SLC14A2: variants seen among roughly 807,000 people sequenced by gnomAD.
SLC14A2 encodes urea transporter 2.
SLC14A2 carries 91 observed loss-of-function variants against 104.6 expected under a neutral mutation model. The observed-to-expected ratio is 0.87, with a 90% confidence interval of 0.73 to 1.04. The LOEUF (loss-of-function observed/expected upper bound fraction) is 1.04. Among genes scored for constraint, SLC14A2 ranks in the 50% least tolerant of loss-of-function variants. SLC14A2 has a pLI of 0.00. For synonymous variants in SLC14A2, 476 were observed against 466.4 expected, an observed-to-expected ratio of 1.02 and a Z score of -0.27; for missense variants, 1,189 against 1,156.0, an observed-to-expected ratio of 1.03 and a Z score of -0.41.
rs78656450 is a variant in SLC14A2 at position 45,651,620 on chromosome 18, C to T, written c.1351+7460C>T. On this transcript the variant is annotated intron_variant, in intron 10 of 19. Transcript: ENST00000255226. ...TAGTGCAGGAGCAGGGTGTGGAGGC[C>T]GGTTGGAGATGCTTGTTTGGGGTGG... is the stretch of plus-strand genomic sequence containing the variant. Among the ~76,000 whole-genome samples the T allele has an allele frequency of 5.9e-3, 892 of 152,256 alleles. 8 individuals are homozygous for T. The highest frequency in any genetic ancestry group is 0.019 in the African/African-American group (808 of 41,550).
At chr18:45,540,041 C>T (rs1426597850) in intron 2 of SLC14A2, among the ~76,000 whole-genome samples, 1 of 152,102 alleles carries the variant, frequency 6.6e-6, no homozygotes, top group Admixed American at 6.5e-5. Context: ...GATTTCCAAC[C>T]ATATAATGAG....
chr18:45,207,897 G>T, the SLC14A2 span, among the ~76,000 whole-genome samples: 1 of 152,094 alleles, frequency 6.6e-6, no homozygotes. Flanking sequence ...AATTACCAAA[G>T]TTAATTCCCA....
At chr18:45,183,427 C>T in the SLC14A2 span, among the ~76,000 whole-genome samples, 1 of 152,252 alleles carries the variant, frequency 6.6e-6, no homozygotes, top group South Asian at 2.1e-4. Context: ...GCAGCCTACT[C>T]GCACCATATA....
chr18:45,279,424 C>T (rs16978323), intron 1 of SLC14A2, among the ~76,000 whole-genome samples: 3,950 of 152,204 alleles, frequency 0.026, 116 homozygotes, highest in East Asian at 0.089. Context: ...ATACCCTTTC[C>T]TTTGTTGACA....
At chr18:45,181,986 G>A in the SLC14A2 span, among the ~76,000 whole-genome samples, 108 of 152,148 alleles carry the variant, frequency 7.1e-4, no homozygotes, top group African/African-American at 2.2e-3. Context: ...TTCCTAAAAC[G>A]AGAGAGTATT....
intron 1 of SLC14A2, among the ~76,000 whole-genome samples, chr18:45,305,950 G>A (rs992041384): frequency 1.3e-5 from 2 of 152,090 alleles, no homozygotes; most frequent in African/African-American, 2.4e-5. Flanking sequence ...CTTTAATTAG[G>A]GAGCATATTA....
At chr18:45,462,610 C>A (rs990784267) in intron 1 of SLC14A2, among the ~76,000 whole-genome samples, 1 of 152,102 alleles carries the variant, frequency 6.6e-6, no homozygotes, top group African/African-American at 2.4e-5. Context: ...AGGGATAATT[C>A]TGAAATTTTA....
At chr18:45,487,981 C>G (rs1043848782) in intron 2 of SLC14A2, among the ~76,000 whole-genome samples, 2 of 152,134 alleles carry the variant, frequency 1.3e-5, no homozygotes, top group Non-Finnish European at 2.9e-5. Flanking sequence ...ATCACAGCTA[C>G]TTCTAGAATA....
intron 1 of SLC14A2, among the ~76,000 whole-genome samples, chr18:45,443,594 G>C (rs561280634): frequency 6.6e-6 from 1 of 152,114 alleles, no homozygotes; most frequent in African/African-American, 2.4e-5. Context: ...GGAAGAGTTA[G>C]AGTAATCTTT....
the SLC14A2 span, among the ~76,000 whole-genome samples, chr18:45,200,127 T>C: frequency 6.6e-6 from 1 of 152,156 alleles, no homozygotes; most frequent in Non-Finnish European, 1.5e-5. Flanking sequence ...TTTTAAAATA[T>C]AAATAAATGT....
chr18:45,598,608 G>A (rs1015214694), intron 2 of SLC14A2, among the ~76,000 whole-genome samples: 1 of 151,976 alleles, frequency 6.6e-6, no homozygotes, highest in Non-Finnish European at 1.5e-5. Flanking sequence ...CATTTTTATG[G>A]GCCCCTAAAA....
At chr18:45,563,637 T>C (rs1041207482) in intron 2 of SLC14A2, among the ~76,000 whole-genome samples, 14 of 152,132 alleles carry the variant, frequency 9.2e-5, no homozygotes, top group Non-Finnish European at 4.4e-5. Context: ...TCAATATCAT[T>C]TTTATAGAGA....
chr18:45,174,607 A>G, the SLC14A2 span, among the ~76,000 whole-genome samples: 1 of 152,124 alleles, frequency 6.6e-6, no homozygotes, highest in Non-Finnish European at 1.5e-5. Flanking sequence ...CACTTCTAAT[A>G]ATAGTCTCAT....
chr18:45,346,908 G>A (rs1453900630), intron 1 of SLC14A2, among the ~76,000 whole-genome samples: 2 of 151,490 alleles, frequency 1.3e-5, no homozygotes, highest in African/African-American at 2.4e-5. Flanking sequence ...GTTGCAGTGA[G>A]CCAAGATCAT....
chr18:45,625,855 G>A lies in SLC14A2; in HGVS notation c.323G>A (p.Trp108Ter). ...LTGDMKEYRI[W>*]LKDKHLALQF... ...GGCGACATGAAGGAGTACAGGATCTGGCTGAAAGGTAGGAAAATACCCTGG... is the reference window on the plus strand; with the variant it reads ...GGCGACATGAAGGAGTACAGGATCTAGCTGAAAGGTAGGAAAATACCCTGG... The change falls in exon 3 of 20, where the codon TGG becomes TAG. Residue 108 changes from tryptophan to a stop codon, truncating the protein, a stop_gained. Coordinates refer to ENST00000255226, the MANE Select transcript of SLC14A2 (RefSeq NM_007163.4). LOFTEE classifies it high-confidence loss of function. 1 of 1,469,576 alleles carries A rather than the reference G, an allele frequency of 6.8e-7. No homozygotes were observed. The highest frequency in any genetic ancestry group is 1.5e-5 in the South Asian group (1 of 67,682). 91.0% of individuals were successfully genotyped at this position (1,469,576 alleles called of 1,614,324 possible). A position where few individuals can be genotyped will look rare whatever the true frequency, so the allele number is the denominator to read the frequency against.
Position 45,648,466 on chromosome 18 carries a change from A to G in SLC14A2, c.1351+4306A>G, listed in dbSNP as rs1013731249. ...GTGATTCGCCCACCTCGGCCTCCCA[A>G]GGTGCTGGGATTACAGGCATGAGCC... On this transcript the variant is annotated intron_variant, in intron 10 of 19. Transcript: ENST00000255226. Among the ~76,000 whole-genome samples, 4 of 152,190 alleles carry G rather than the reference A, an allele frequency of 2.6e-5. 1 individual carries two copies.
intron 1 of SLC14A2, among the ~76,000 whole-genome samples, chr18:45,423,490 CAG>C (rs2086377999): frequency 1.3e-5 from 2 of 152,222 alleles, no homozygotes; most frequent in South Asian, 4.1e-4. Flanking sequence ...CATGCACAAA[CAG>C]AGGAGGTGCA....
intron 2 of SLC14A2, chr18:45,527,906 C>T (rs1197279346): frequency 6.6e-6 from 1 of 152,074 alleles, no homozygotes; most frequent in Non-Finnish European, 1.5e-5. Context: ...AAAAAAAGAC[C>T]TTATTGATGT....
intron 1 of SLC14A2, among the ~76,000 whole-genome samples, chr18:45,403,676 G>GA (rs199968645): frequency 8.4e-4 from 124 of 148,024 alleles, no homozygotes; most frequent in African/African-American, 1.6e-3. Context: ...TAACTCTGGG[G>GA]AAAAAAAAAA....
Sources: allele counts gnomAD v4.1 joint callset (sites outside exome capture counted in the v4.1 genomes callset), GRCh38; gene constraint gnomAD v4.1.1; transcripts MANE v1.5; gene names NCBI Gene and HGNC (gene_info 2026-07-23, HGNC 2026-07-21).